Variants in TCF4 observed in about 807,000 individuals in gnomAD.
TCF4 encodes the protein transcription factor 4, also known as SL3-3 enhancer factor 2.
TCF4 carries 3 observed loss-of-function variants against 82.1 expected under a neutral mutation model. The ratio of observed to expected loss-of-function variants is 0.04; its 90% CI spans 0.02 to 0.09. The LOEUF (loss-of-function observed/expected upper bound fraction) is 0.09. Ranked by LOEUF, TCF4 falls within the 10% of genes least tolerant of loss-of-function variation. TCF4 has a pLI of 1.00. For missense variants in TCF4, 518 were observed against 852.7 expected (o/e 0.61, Z 4.89); for synonymous variants, 276 against 309.6 (o/e 0.89, Z 1.14).
intron 14 of TCF4, among the ~76,000 whole-genome samples, chr18:55,255,976 G>C (rs888166189): frequency 2.0e-5 from 3 of 152,144 alleles, no homozygotes; most frequent in Non-Finnish European, 4.4e-5. Flanking sequence ...TTCTGATTTG[G>C]TGGGTTTGGG....
chr18:55,323,228 T>C (rs549410914), intron 8 of TCF4, among the ~76,000 whole-genome samples: 1 of 152,286 alleles, frequency 6.6e-6, no homozygotes, highest in African/African-American at 2.4e-5. Flanking sequence ...GGAGGGCCTC[T>C]GGGAATTGAT....
intron 3 of TCF4, among the ~76,000 whole-genome samples, chr18:55,574,472 C>T (rs527339389): frequency 1.8e-3 from 271 of 152,252 alleles, no homozygotes; most frequent in Non-Finnish European, 3.3e-3. Context: ...TTACAGGCAC[C>T]TGCCACCACG....
intron 3 of TCF4, among the ~76,000 whole-genome samples, chr18:55,575,894 C>T (rs1041842376): frequency 3.3e-5 from 5 of 152,086 alleles, no homozygotes; most frequent in Non-Finnish European, 5.9e-5. Context: ...ACGGTATCTC[C>T]GGAAAAGTTT....
intron 5 of TCF4, among the ~76,000 whole-genome samples, chr18:55,437,373 A>C (rs947424770): frequency 6.6e-6 from 1 of 152,242 alleles, no homozygotes; most frequent in African/African-American, 2.4e-5. Flanking sequence ...TGAACAATTA[A>C]AATATAAAAG....
chr18:55,397,939 A>G (rs2093596337), intron 6 of TCF4, among the ~76,000 whole-genome samples: 1 of 152,178 alleles, frequency 6.6e-6, no homozygotes, highest in Non-Finnish European at 1.5e-5. Flanking sequence ...GGTATGTGGC[A>G]TTCATTTTAT....
chr18:55,558,209 T>TA (rs958028177), intron 3 of TCF4, among the ~76,000 whole-genome samples: 4 of 151,804 alleles, frequency 2.6e-5, no homozygotes, highest in South Asian at 2.1e-4. Context: ...AGACTGTCTC[T>TA]AAAAAAAATC....
chr18:55,362,397 G>GGAAGGAAGGAAGGAAA (rs2085568288), intron 6 of TCF4, among the ~76,000 whole-genome samples: 15 of 90,684 alleles, frequency 1.7e-4, no homozygotes, highest in African/African-American at 3.7e-4. Flanking sequence ...AAGGAAAGAA[G>GGAAGGAAGGAAGGAAA]GAAGGAAGGA....
Position 55,288,876 on chromosome 18 carries a change from C to CTG in TCF4, c.550-9221_550-9220insCA, listed in dbSNP as rs1327241316. Among the ~76,000 whole-genome samples the CTG allele has an allele frequency of 2.0e-5, 3 of 152,312 alleles. No homozygotes were observed. The East Asian group carries it at 5.8e-4, about 29-fold the overall frequency. Reference sequence around the variant, plus strand: ...CCAGACCCACGACTAAATATCAGCACACTAAACTGATTAAAAACCACCATG... The same window carrying CTG: ...CCAGACCCACGACTAAATATCAGCACTGACTAAACTGATTAAAAACCACCATG... On this transcript the variant is annotated intron_variant, in intron 8 of 19. Coordinates refer to ENST00000354452, the MANE Select transcript of TCF4 (RefSeq NM_001083962.2).
intron 2 of TCF4, among the ~76,000 whole-genome samples, chr18:55,628,843 A>G (rs2097729030): frequency 6.6e-6 from 1 of 152,222 alleles, no homozygotes; most frequent in African/African-American, 2.4e-5. Context: ...AGGCTGACAA[A>G]CGGACATCAC....
chr18:55,520,675 T>C (rs1296530081), intron 3 of TCF4, among the ~76,000 whole-genome samples: 2 of 152,194 alleles, frequency 1.3e-5, no homozygotes, highest in African/African-American at 4.8e-5. Flanking sequence ...AACACACGGC[T>C]TTATTTATGA....
intron 5 of TCF4, among the ~76,000 whole-genome samples, chr18:55,439,809 G>A (rs1240138435): frequency 2.0e-5 from 3 of 152,150 alleles, no homozygotes; most frequent in East Asian, 1.9e-4. Context: ...TGCAACCGCC[G>A]CCTCCTGGGT....
chr18:55,519,741 T>C (rs971431253), intron 3 of TCF4, among the ~76,000 whole-genome samples: 7 of 152,216 alleles, frequency 4.6e-5, no homozygotes, highest in African/African-American at 1.7e-4. Context: ...TTAGCATATG[T>C]GTAACTTCAT....
At position 55,325,633 on chromosome 18, in the gene TCF4, T is replaced by C. The variant is rs78742031; in HGVS notation, c.549+24726A>G. ...TTTTCTCCTCCCGAATATAACTTGG[T>C]AGAATTTGAACAACTCCATGTTTCT... is the stretch of plus-strand genomic sequence containing the variant. On this transcript the variant is annotated intron_variant, in intron 8 of 19. Coordinates refer to ENST00000354452, the MANE Select transcript of TCF4 (RefSeq NM_001083962.2). 6.2e-3 allele frequency among the ~76,000 whole-genome samples: 940 copies of C among 152,264 alleles called. 10 individuals carry two copies. Among genetic ancestry groups the C allele is most frequent in the African/African-American group, 0.022 (902 of 41,524 alleles).
At chr18:55,270,113 G>A in intron 10 of TCF4, 150 bp from the exon 11 acceptor site, 1 of 1,033,742 alleles carries the variant, frequency 9.7e-7, no homozygotes, top group Non-Finnish European at 1.4e-6. Context: ...GTTTAGATCT[G>A]ACAGCTTTCA....
rs1322809915 is a variant in TCF4, at chr18:55,275,737, C to T, written c.671G>A (p.Ser224Asn). The change falls in exon 10 of 20, where the codon AGT (serine) becomes AAT (asparagine). Residue 224 changes from serine (S) to asparagine (N), a missense_variant. Ser to Asn is a conservative substitution (Grantham distance 46, BLOSUM62 1). Transcript: ENST00000354452. ...SFFMQDGHHS[S>N]DPWSSSSGMN... ...CCCACTGGAGGAGCTCCAAGGGTCA[C>T]TGCTGTGATGGCCATCTGTAAAGGA... is the stretch of plus-strand genomic sequence containing the variant. 2 of 1,613,842 alleles carry T rather than the reference C, an allele frequency of 1.2e-6. No individual in the cohort carries two copies. The highest frequency in any genetic ancestry group is 3.3e-5 in the Admixed American group (2 of 60,016).
chr18:55,578,131 A>T (rs2097545878), intron 3 of TCF4, among the ~76,000 whole-genome samples: 1 of 152,124 alleles, frequency 6.6e-6, no homozygotes, highest in African/African-American at 2.4e-5. Context: ...AACACAATAC[A>T]TTTTAACAGT....
intron 3 of TCF4, among the ~76,000 whole-genome samples, chr18:55,507,333 C>T (rs2096773648): frequency 1.3e-5 from 2 of 152,132 alleles, no homozygotes; most frequent in South Asian, 4.1e-4. Context: ...AATCTGAAAA[C>T]CTAGAGGTGA....
At chr18:55,508,921 G>A (rs192178246) in intron 3 of TCF4, among the ~76,000 whole-genome samples, 9 of 152,174 alleles carry the variant, frequency 5.9e-5, no homozygotes, top group South Asian at 2.1e-4. Context: ...AATGTAAATC[G>A]TATTTTTATT....
chr18:55,269,814 G>A lies in TCF4; in HGVS notation c.922+17C>T, dbSNP rs2059967929. 1 of 1,612,790 alleles carries A rather than the reference G, an allele frequency of 6.2e-7. No individual in the cohort carries two copies. The highest frequency in any genetic ancestry group is 8.5e-7 in the Non-Finnish European group (1 of 1,179,174). Reference sequence around the variant, plus strand: ...ACACCAATTGTTGGTATCAGAATTGGCATTTCTGTGACTCACCCATTATAC... The same window carrying A: ...ACACCAATTGTTGGTATCAGAATTGACATTTCTGTGACTCACCCATTATAC... On this transcript the variant is annotated intron_variant, in intron 11 of 19. Coordinates refer to ENST00000354452, the MANE Select transcript of TCF4 (RefSeq NM_001083962.2).
Sources: allele counts gnomAD v4.1 joint callset (sites outside exome capture counted in the v4.1 genomes callset), GRCh38; gene constraint gnomAD v4.1.1; transcripts MANE v1.5; gene names NCBI Gene and HGNC (gene_info 2026-07-23, HGNC 2026-07-21).